Variants in FMNL2 observed in about 807,000 individuals in gnomAD.
FMNL2 encodes the protein formin like 2.
Under a neutral mutation model 130.2 loss-of-function variants are expected in FMNL2, and 51 were observed. The ratio of observed to expected loss-of-function variants is 0.39; its 90% CI spans 0.31 to 0.49. FMNL2 has a LOEUF of 0.49. FMNL2 is among the 20% of genes least tolerant of loss of function. FMNL2 has a pLI of 0.85. For synonymous variants in FMNL2, 465 were observed against 467.1 expected (o/e 1.00, Z 0.06); for missense variants, 977 against 1,316.2 (o/e 0.74, Z 3.99).
chr2:152,524,831 G>A (rs1276471303), intron 2 of FMNL2, among the ~76,000 whole-genome samples: 2 of 151,956 alleles, frequency 1.3e-5, no homozygotes, highest in Non-Finnish European at 2.9e-5. Context: ...TGGTTTAGGG[G>A]GTTTAGAGAT....
chr2:152,429,995 C>T (rs969464739), intron 1 of FMNL2, among the ~76,000 whole-genome samples: 6 of 152,150 alleles, frequency 3.9e-5, no homozygotes, highest in Admixed American at 1.3e-4. Flanking sequence ...CCATGGCATA[C>T]GTCGTTTACT....
At chr2:152,391,385 T>A (rs1292760709) in intron 1 of FMNL2, among the ~76,000 whole-genome samples, 2 of 152,026 alleles carry the variant, frequency 1.3e-5, no homozygotes, top group African/African-American at 2.4e-5. Context: ...AGGAACTGAG[T>A]AAGTAAAGCA....
At chr2:152,519,768 A>G (rs1196567783) in intron 1 of FMNL2, among the ~76,000 whole-genome samples, 3 of 152,372 alleles carry the variant, frequency 2.0e-5, no homozygotes, top group Middle Eastern at 3.4e-3. Context: ...CTGAGATTAC[A>G]TATGCAAAGT....
intron 1 of FMNL2, among the ~76,000 whole-genome samples, chr2:152,408,776 C>T (rs188548772): frequency 2.0e-5 from 3 of 152,198 alleles, no homozygotes; most frequent in African/African-American, 7.2e-5. Flanking sequence ...TTGAATATCT[C>T]ATGTAATTTA....
chr2:152,486,726 AGTTCTCTAAGTT>A (rs1243577715), intron 1 of FMNL2, among the ~76,000 whole-genome samples: 2 of 152,180 alleles, frequency 1.3e-5, no homozygotes, highest in African/African-American at 4.8e-5. Context: ...GTGGCTGCTA[AGTTCTCTAAGTT>A]GTTTTCTGGG....
intron 1 of FMNL2, among the ~76,000 whole-genome samples, chr2:152,392,511 G>C (rs1165882830): frequency 2.6e-5 from 4 of 152,126 alleles, no homozygotes; most frequent in Admixed American, 6.5e-5. Context: ...GGAAGTCCAC[G>C]ATCAAGGTGC....
At chr2:152,419,039 T>G (rs749294948) in intron 1 of FMNL2, among the ~76,000 whole-genome samples, 10 of 151,968 alleles carry the variant, frequency 6.6e-5, no homozygotes, top group Non-Finnish European at 1.5e-4. Context: ...ATTGTGGTTT[T>G]GATTTGTACT....
At chr2:152,626,881 CTG>C (rs1681827183) in intron 17 of FMNL2, among the ~76,000 whole-genome samples, 154 bp downstream of exon 17, 1 of 152,228 alleles carries the variant, frequency 6.6e-6, no homozygotes, top group Non-Finnish European at 1.5e-5. Context: ...GATCTGAACT[CTG>C]TGTGTGCTAC....
At chr2:152,464,778 T>C (rs1466722227) in intron 1 of FMNL2, among the ~76,000 whole-genome samples, 2 of 152,188 alleles carry the variant, frequency 1.3e-5, no homozygotes, top group Non-Finnish European at 2.9e-5. Context: ...GCTTGTCCTA[T>C]TTCTCAGAGA....
chr2:152,376,074 A>G (rs1207382981), intron 1 of FMNL2, among the ~76,000 whole-genome samples: 1 of 151,604 alleles, frequency 6.6e-6, no homozygotes, highest in Non-Finnish European at 1.5e-5. Context: ...TTGTATTTTT[A>G]GTAGAGACGG....
intron 1 of FMNL2, among the ~76,000 whole-genome samples, chr2:152,464,135 G>A (rs1689397304): frequency 2.0e-5 from 3 of 152,100 alleles, no homozygotes; most frequent in South Asian, 4.2e-4. Context: ...GTAGAGACAG[G>A]GTTTCACCAC....
At chr2:152,404,549 A>G (rs185639857) in intron 1 of FMNL2, among the ~76,000 whole-genome samples, 14 of 152,174 alleles carry the variant, frequency 9.2e-5, no homozygotes, top group Non-Finnish European at 1.9e-4. Flanking sequence ...GAGTGAATGC[A>G]TATTTGGAGT....
chr2:152,426,642 A>T (rs1001198443), intron 1 of FMNL2, among the ~76,000 whole-genome samples: 2 of 151,970 alleles, frequency 1.3e-5, no homozygotes, highest in African/African-American at 4.8e-5. Context: ...TGTTTTTTCA[A>T]AGCTCCCCAG....
At chr2:152,419,075 T>C (rs1475572316) in intron 1 of FMNL2, among the ~76,000 whole-genome samples, 1 of 152,146 alleles carries the variant, frequency 6.6e-6, no homozygotes, top group African/African-American at 2.4e-5. Context: ...TAAAACTATG[T>C]TTAAACAGAG....
chr2:152,649,529 C>T lies in FMNL2; in HGVS notation c.*1624C>T, dbSNP rs1017203924. 6.6e-6 allele frequency: 1 copy of T among 152,526 alleles called. No homozygotes were observed. Among genetic ancestry groups the T allele is most frequent in the African/African-American group, 2.4e-5 (1 of 41,418 alleles). 9.4% of individuals were successfully genotyped at this position (152,526 alleles called of 1,614,324 possible). On this transcript the variant is annotated 3_prime_UTR_variant, in exon 26 of 26. Transcript: ENST00000288670. ...TGTACTTTACTTTAAAAAGAACATG[C>T]CACGATTTTGTCTTTCTGTGGACTC...
intron 1 of FMNL2, among the ~76,000 whole-genome samples, chr2:152,419,837 T>C (rs1686818123): frequency 6.6e-6 from 1 of 152,114 alleles, no homozygotes; most frequent in African/African-American, 2.4e-5. Flanking sequence ...GGAATACACT[T>C]GCTGGAAGCT....
chr2:152,421,845 A>G (rs1182216393), intron 1 of FMNL2, among the ~76,000 whole-genome samples: 1 of 152,200 alleles, frequency 6.6e-6, no homozygotes, highest in Non-Finnish European at 1.5e-5. Flanking sequence ...CTCACTGTGC[A>G]TTTTATTATG....
intron 2 of FMNL2, among the ~76,000 whole-genome samples, chr2:152,536,283 A>G (rs1271767316): frequency 1.3e-5 from 2 of 152,178 alleles, no homozygotes; most frequent in African/African-American, 4.8e-5. Context: ...TGTCAGCATT[A>G]TCTATTTTAG....
At chr2:152,562,177 A>G (rs904014283) in intron 6 of FMNL2, among the ~76,000 whole-genome samples, 1 of 152,218 alleles carries the variant, frequency 6.6e-6, no homozygotes, top group African/African-American at 2.4e-5. Context: ...GTGGTTCATG[A>G]TTTTAACATA....
Sources: allele counts gnomAD v4.1 joint callset (sites outside exome capture counted in the v4.1 genomes callset), GRCh38; gene constraint gnomAD v4.1.1; transcripts MANE v1.5; gene names NCBI Gene and HGNC (gene_info 2026-07-23, HGNC 2026-07-21).